Variants in ZBTB7C observed in about 807,000 individuals in gnomAD.
ZBTB7C encodes the protein zinc finger and BTB domain-containing protein 7C.
A neutral mutation model predicts 25.7 loss-of-function variants in ZBTB7C; 8 were observed. That is an observed-to-expected ratio of 0.31 (90% CI 0.18 to 0.56). The LOEUF (loss-of-function observed/expected upper bound fraction) is 0.56, where lower values mean the gene tolerates loss of function less well. ZBTB7C is among the 20% of genes least tolerant of loss of function. ZBTB7C has a pLI of 0.91. For missense variants in ZBTB7C, 824 were observed against 855.2 expected, an observed-to-expected ratio of 0.96 and a Z score of 0.46; for synonymous variants, 394 against 369.0, an observed-to-expected ratio of 1.07 and a Z score of -0.78.
intron 1 of ZBTB7C, among the ~76,000 whole-genome samples, chr18:48,401,857 C>T (rs79972236): frequency 0.035 from 5,359 of 152,056 alleles, 309 homozygotes; most frequent in African/African-American, 0.12. Flanking sequence ...GGCCTCACCT[C>T]CTCCAAAAAC....
chr18:48,250,916 G>A (rs1252043019), intron 2 of ZBTB7C, among the ~76,000 whole-genome samples: 10 of 151,612 alleles, frequency 6.6e-5, no homozygotes, highest in Admixed American at 4.6e-4. Context: ...CTTAAACTTC[G>A]GCATGTGTTT....
intron 3 of ZBTB7C, among the ~76,000 whole-genome samples, chr18:48,159,037 C>T (rs1027764007): frequency 5.3e-5 from 8 of 151,970 alleles, no homozygotes; most frequent in African/African-American, 1.9e-4. Flanking sequence ...CTTCCTCAGC[C>T]CCTTTCTCAG....
At chr18:48,289,299 A>G (rs1169474481) in intron 2 of ZBTB7C, among the ~76,000 whole-genome samples, 1 of 152,222 alleles carries the variant, frequency 6.6e-6, no homozygotes, top group Non-Finnish European at 1.5e-5. Context: ...TCCAGGAGAC[A>G]AGTTCAAAGA....
intron 3 of ZBTB7C, among the ~76,000 whole-genome samples, chr18:48,089,767 C>A (rs535368330): frequency 6.6e-6 from 1 of 151,950 alleles, no homozygotes; most frequent in South Asian, 2.1e-4. Context: ...TGAATCTAAA[C>A]AGTTATTCTC....
intron 2 of ZBTB7C, among the ~76,000 whole-genome samples, chr18:48,285,424 T>C (rs1300576631): frequency 1.3e-5 from 2 of 152,256 alleles, no homozygotes; most frequent in African/African-American, 2.4e-5. Context: ...ACATTCTACA[T>C]TGTTAATAGT....
chr18:48,409,854 A>AG (rs138266445), upstream of ZBTB7C, among the ~76,000 whole-genome samples: 20,082 of 151,932 alleles, frequency 0.13, 2,583 homozygotes, highest in African/African-American at 0.34. Flanking sequence ...GGCAGAGGCG[A>AG]GGGGGCCAGG....
At chr18:48,226,703 G>T (rs1437268538) in intron 2 of ZBTB7C, among the ~76,000 whole-genome samples, 1 of 152,162 alleles carries the variant, frequency 6.6e-6, no homozygotes, top group African/African-American at 2.4e-5. Flanking sequence ...CCACAAGATT[G>T]AGTTTGAGCA....
intron 2 of ZBTB7C, among the ~76,000 whole-genome samples, chr18:48,300,201 G>A (rs1407562109): frequency 2.0e-5 from 3 of 152,170 alleles, no homozygotes; most frequent in Non-Finnish European, 4.4e-5. Flanking sequence ...AGACTCCCTC[G>A]GGGTGGGGTG....
intron 3 of ZBTB7C, among the ~76,000 whole-genome samples, chr18:48,046,953 TC>T (rs1213028336): frequency 1.3e-5 from 2 of 152,206 alleles, no homozygotes; most frequent in East Asian, 3.8e-4. Flanking sequence ...AGGCTGGTTT[TC>T]CCAGCAGTGA....
chr18:48,119,357 G>T (rs957925278), intron 3 of ZBTB7C, among the ~76,000 whole-genome samples: 1 of 149,576 alleles, frequency 6.7e-6, no homozygotes, highest in African/African-American at 2.5e-5. Context: ...CAGTGCAGGC[G>T]CAACCCCAGC....
intron 2 of ZBTB7C, among the ~76,000 whole-genome samples, chr18:48,218,975 C>A (rs1235598409): frequency 1.3e-5 from 2 of 152,126 alleles, no homozygotes; most frequent in Non-Finnish European, 2.9e-5. Flanking sequence ...GCACACAGGA[C>A]CCTCACCCCA....
chr18:48,171,310 C>T (rs188994160), intron 3 of ZBTB7C, among the ~76,000 whole-genome samples: 1 of 152,322 alleles, frequency 6.6e-6, no homozygotes, highest in East Asian at 1.9e-4. Context: ...CATCTCACCC[C>T]CTCCTGGAGA....
intron 2 of ZBTB7C, among the ~76,000 whole-genome samples, chr18:48,322,303 A>G (rs1461558956): frequency 2.0e-5 from 3 of 152,180 alleles, no homozygotes; most frequent in South Asian, 2.1e-4. Flanking sequence ...GATGTCTAGC[A>G]GCATCCCTGA....
rs35634878 is a variant in ZBTB7C, at chr18:48,207,570, C to CATCTATCTATCTATCT, written c.-78-21591_-78-21576dup. Among the ~76,000 whole-genome samples the CATCTATCTATCTATCT allele has an allele frequency of 1.7e-3, 256 of 147,120 alleles. 1 individual carries two copies. Among genetic ancestry groups the CATCTATCTATCTATCT allele is most frequent in the Middle Eastern group, 3.5e-3 (1 of 286 alleles). ...TATCATCTATCTATCCACTGCCTAT[C>CATCTATCTATCTATCT]ATCTATCTATCTATCTATCTATCTA... is the stretch of plus-strand genomic sequence containing the variant. On this transcript the variant is annotated intron_variant, in intron 2 of 4. Transcript: ENST00000590800.
At chr18:48,119,140 T>G (rs776746845) in intron 3 of ZBTB7C, among the ~76,000 whole-genome samples, 1 of 152,222 alleles carries the variant, frequency 6.6e-6, no homozygotes, top group African/African-American at 2.4e-5. Context: ...AGACTCTGCA[T>G]TTCCAGCAAA....
intron 3 of ZBTB7C, among the ~76,000 whole-genome samples, chr18:48,074,655 G>A (rs1435678482): frequency 6.6e-6 from 1 of 152,220 alleles, no homozygotes; most frequent in Non-Finnish European, 1.5e-5. Flanking sequence ...CAGCACTCTG[G>A]AACAGAGTAA....
intron 1 of ZBTB7C, among the ~76,000 whole-genome samples, chr18:48,362,591 G>A (rs2047133693): frequency 6.6e-6 from 1 of 152,186 alleles, no homozygotes; most frequent in Non-Finnish European, 1.5e-5. Context: ...ATCAGTTTCT[G>A]CTGTTTATAA....
chr18:48,157,190 A>T (rs1411679111), intron 3 of ZBTB7C, among the ~76,000 whole-genome samples: 1 of 152,246 alleles, frequency 6.6e-6, no homozygotes, highest in Admixed American at 6.5e-5. Flanking sequence ...AGAGCTTTTC[A>T]ATAAATAAAA....
At chr18:48,247,850 C>G (rs1599184020) in intron 2 of ZBTB7C, among the ~76,000 whole-genome samples, 1 of 152,234 alleles carries the variant, frequency 6.6e-6, no homozygotes, top group Admixed American at 6.5e-5. Context: ...TCTCACCTGC[C>G]ACCCCCCTGC....
Sources: gnomAD v4.1 joint callset for allele counts (sites outside exome capture counted in the v4.1 genomes callset) on GRCh38, gnomAD v4.1.1 for gene constraint, MANE v1.5 for transcripts, NCBI Gene and HGNC (gene_info 2026-07-23, HGNC 2026-07-21) for gene names.